Variants in UGGT2 observed in about 807,000 individuals in gnomAD.
UGGT2 encodes the protein UDP-glucose glycoprotein glucosyltransferase 2.
A neutral mutation model predicts 192.1 loss-of-function variants in UGGT2; 180 were observed. That is an observed-to-expected ratio of 0.94 (90% CI 0.83 to 1.06). The LOEUF (loss-of-function observed/expected upper bound fraction) is 1.06, where lower values mean the gene tolerates loss of function less well. Ranked by LOEUF, UGGT2 falls within the 50% of genes least tolerant of loss-of-function variation. The probability of loss-of-function intolerance (pLI) is 0.00; values close to 1 mark genes in which losing one functional copy is unlikely to be tolerated. For synonymous variants in UGGT2, 580 were observed against 591.0 expected (o/e 0.98, Z 0.27); for missense variants, 1,849 against 1,795.7 (o/e 1.03, Z -0.54).
chr13:95,899,912 G>GA (rs1359147657), intron 22 of UGGT2, among the ~76,000 whole-genome samples: 2 of 151,998 alleles, frequency 1.3e-5, no homozygotes, highest in African/African-American at 4.8e-5. Context: ...AAAAGTAAGT[G>GA]AAAAACAAAA....
chr13:95,918,726 C>T (rs6492825), intron 20 of UGGT2, among the ~76,000 whole-genome samples: 58,643 of 151,796 alleles, frequency 0.39, 11,495 homozygotes, highest in Middle Eastern at 0.42. Flanking sequence ...ACTGAGGCAG[C>T]AATAAGTAGC....
Position 95,949,359 on chromosome 13 carries a change from G to T in UGGT2, c.1431C>A (p.Ser477=). 6.4e-7 allele frequency: 1 copy of T among 1,568,158 alleles called. No homozygotes were observed. Residue 477 remains serine, a synonymous_variant, in exon 13 of 39, where the codon TCC becomes TCA. Coordinates refer to ENST00000376747, the MANE Select transcript of UGGT2 (RefSeq NM_020121.4). Reference sequence around the variant, plus strand: ...CCAAATTATGAAAATTGCGCCTTATGGAAGGTACACTTCCAGGAAATACTG... The same window carrying T: ...CCAAATTATGAAAATTGCGCCTTATTGAAGGTACACTTCCAGGAAATACTG... ...LKPVFPGSVP[S]IRRNFHNLVL... is the part of the protein sequence containing the mutation.
intron 12 of UGGT2, among the ~76,000 whole-genome samples, chr13:95,967,808 G>A (rs990959445): frequency 3.9e-5 from 6 of 152,052 alleles, no homozygotes; most frequent in Non-Finnish European, 7.4e-5. Context: ...TGATTTACAC[G>A]TCCTCAGTTA....
At chr13:95,939,631 T>A (rs1226753157) in intron 16 of UGGT2, among the ~76,000 whole-genome samples, 1 of 152,138 alleles carries the variant, frequency 6.6e-6, no homozygotes, top group Non-Finnish European at 1.5e-5. Context: ...AAGCTAATTA[T>A]CATATGCATT....
At position 95,948,830 on chromosome 13, in the gene UGGT2, C is replaced by T. The variant is rs1360731790; in HGVS notation, c.1455+505G>A. ...GGTTTGGCTGTGTGCCCACTCAAAT[C>T]TCATCTTCAATTGTAGTTCTCATAA... On this transcript the variant is annotated intron_variant, in intron 13 of 38. Coordinates refer to ENST00000376747, the MANE Select transcript of UGGT2 (RefSeq NM_020121.4). Among the ~76,000 whole-genome samples, 3 of 152,158 alleles carry T rather than the reference C, an allele frequency of 2.0e-5. No homozygotes were observed. The East Asian group carries it at 5.8e-4, about 29-fold the overall frequency.
intron 9 of UGGT2, among the ~76,000 whole-genome samples, chr13:95,984,366 TCTA>T (rs1263761169): frequency 6.6e-6 from 1 of 152,126 alleles, no homozygotes. Context: ...GTCTCACTCT[TCTA>T]CCCAGCAGGA....
rs1055756134 is a variant in UGGT2 at position 95,947,079 on chromosome 13, T to C, written c.1635A>G (p.Ala545=). ...VALWRAFNYI[A]EEFDISEAFI... ...ATGCTTCTGATATATCAAATTCTTC[T>C]GCAATATAGTTGAAAGCTCGCCAGA... The change falls in exon 15 of 39, where the codon GCA becomes GCG. Residue 545 remains alanine, a synonymous_variant. Coordinates refer to ENST00000376747, the MANE Select transcript of UGGT2 (RefSeq NM_020121.4). 6.2e-7 allele frequency: 1 copy of C among 1,609,682 alleles called. No individual in the cohort carries two copies. Among genetic ancestry groups the C allele is most frequent in the Non-Finnish European group, 8.5e-7 (1 of 1,178,880 alleles).
At chr13:96,046,306 T>C (rs2053307704) in intron 1 of UGGT2, among the ~76,000 whole-genome samples, 1 of 152,194 alleles carries the variant, frequency 6.6e-6, no homozygotes, top group South Asian at 2.1e-4. Context: ...AACTGGATTC[T>C]TATCTCTCGC....
At chr13:95,963,397 C>T (rs977393704) in intron 12 of UGGT2, among the ~76,000 whole-genome samples, 2 of 151,946 alleles carry the variant, frequency 1.3e-5, no homozygotes, top group African/African-American at 4.8e-5. Context: ...AAGGAATATA[C>T]CTTAGCATAA....
chr13:95,878,368 A>G (rs541110316), intron 27 of UGGT2, among the ~76,000 whole-genome samples: 3 of 152,314 alleles, frequency 2.0e-5, no homozygotes, highest in Non-Finnish European at 2.9e-5. Context: ...ACGCACCTCA[A>G]CAGAATAAAC....
chr13:95,988,499 C>CATTAAAT (rs1460320427), intron 8 of UGGT2, among the ~76,000 whole-genome samples: 1 of 152,112 alleles, frequency 6.6e-6, no homozygotes, highest in Non-Finnish European at 1.5e-5. Flanking sequence ...CTAGATGAGA[C>CATTAAAT]ATTAAATAGG....
At position 95,946,652 on chromosome 13, in the gene UGGT2, T is replaced by C. The variant is rs550780609; in HGVS notation, c.1677+385A>G. On this transcript the variant is annotated intron_variant, in intron 15 of 38. Transcript: ENST00000376747. ...TCCTAAAATGCTGGGATTATAGGCA[T>C]GAGCCACTGTGCCCAGCCTGCAATG... is the stretch of plus-strand genomic sequence containing the variant. Among the ~76,000 whole-genome samples the C allele has an allele frequency of 2.6e-5, 4 of 152,346 alleles. No homozygotes were observed. The South Asian group carries it at 6.2e-4, about 24-fold the overall frequency.
chr13:95,863,554 A>C (rs1890357742), intron 31 of UGGT2, 75 bp downstream of exon 31: 1 of 1,208,766 alleles, frequency 8.3e-7, no homozygotes. Flanking sequence ...TTAAATTTTC[A>C]CTACCTGTGG....
intron 26 of UGGT2, 67 bp from the exon 27 acceptor site, chr13:95,884,747 A>G (rs2047597701): frequency 1.4e-6 from 2 of 1,432,536 alleles, no homozygotes; most frequent in Non-Finnish European, 1.9e-6. Context: ...AATATTTTCA[A>G]AATTGAAAAT....
At chr13:95,963,722 T>G (rs566607854) in intron 12 of UGGT2, among the ~76,000 whole-genome samples, 1 of 152,154 alleles carries the variant, frequency 6.6e-6, no homozygotes, top group African/African-American at 2.4e-5. Context: ...AAATCAGTAG[T>G]GTTTCTATAC....
chr13:96,024,183 T>A (rs1460647601), intron 2 of UGGT2, among the ~76,000 whole-genome samples: 1 of 152,202 alleles, frequency 6.6e-6, no homozygotes, highest in Non-Finnish European at 1.5e-5. Context: ...TTAGTGCCAA[T>A]AGCCAAGTAT....
chr13:95,995,516 A>G (rs1040883608), intron 7 of UGGT2, among the ~76,000 whole-genome samples: 20 of 152,136 alleles, frequency 1.3e-4, no homozygotes, highest in African/African-American at 4.6e-4. Flanking sequence ...GTTTACAAGT[A>G]TGAATCAAAA....
chr13:96,003,616 C>T (rs914119156), intron 5 of UGGT2, among the ~76,000 whole-genome samples: 52 of 152,210 alleles, frequency 3.4e-4, no homozygotes, highest in African/African-American at 1.2e-3. Flanking sequence ...CTTTTTGGGA[C>T]CCTAAGCCAT....
intron 5 of UGGT2, among the ~76,000 whole-genome samples, chr13:96,004,309 G>A (rs1258549797): frequency 6.6e-6 from 1 of 151,958 alleles, no homozygotes; most frequent in Non-Finnish European, 1.5e-5. Context: ...ATCAAATCAG[G>A]GTATTTGGGA....
Sources: allele counts gnomAD v4.1 joint callset (sites outside exome capture counted in the v4.1 genomes callset), GRCh38; gene constraint gnomAD v4.1.1; transcripts MANE v1.5; gene names NCBI Gene and HGNC (gene_info 2026-07-23, HGNC 2026-07-21).